Variants in RAB11FIP4 observed in about 807,000 individuals in gnomAD.
RAB11FIP4 encodes the protein RAB11 family interacting protein 4, also known as rab11 family-interacting protein 4.
RAB11FIP4 carries 23 observed loss-of-function variants against 74.3 expected under a neutral mutation model. The ratio of observed to expected loss-of-function variants is 0.31; its 90% CI spans 0.22 to 0.44. The LOEUF (loss-of-function observed/expected upper bound fraction) is 0.44. Among genes scored for constraint, RAB11FIP4 ranks in the 20% least tolerant of loss-of-function variants. The pLI, the probability that RAB11FIP4 is intolerant of heterozygous loss-of-function variation, is 1.00. For synonymous variants in RAB11FIP4, 360 were observed against 359.9 expected (o/e 1.00, Z 0.00); for missense variants, 630 against 863.9 (o/e 0.73, Z 3.39).
intron 3 of RAB11FIP4, among the ~76,000 whole-genome samples, chr17:31,450,565 G>C (rs558318228): frequency 6.6e-6 from 1 of 151,760 alleles, no homozygotes; most frequent in East Asian, 1.9e-4. Context: ...GGCTGGTCTC[G>C]ATCTCCTGGC....
intron 4 of RAB11FIP4, 124 bp from the exon 5 acceptor site, chr17:31,521,042 G>C: frequency 1.4e-6 from 1 of 725,888 alleles, no homozygotes; most frequent in Non-Finnish European, 2.3e-6. Flanking sequence ...TACTTACCAG[G>C]TCAAGAGCTA....
At chr17:31,402,683 G>A (rs1027546139) in intron 1 of RAB11FIP4, among the ~76,000 whole-genome samples, 7 of 150,888 alleles carry the variant, frequency 4.6e-5, no homozygotes, top group African/African-American at 7.4e-5. Flanking sequence ...GTGCAGTGGC[G>A]CAATCTTGAC....
intron 1 of RAB11FIP4, among the ~76,000 whole-genome samples, chr17:31,408,418 G>A (rs2071062183): frequency 6.6e-6 from 1 of 152,170 alleles, no homozygotes; most frequent in Non-Finnish European, 1.5e-5. Context: ...CTAAATAAAT[G>A]TTTAATATTT....
chr17:31,435,243 G>T (rs2071346936), intron 3 of RAB11FIP4, among the ~76,000 whole-genome samples: 1 of 152,176 alleles, frequency 6.6e-6, no homozygotes, highest in East Asian at 1.9e-4. Context: ...TCTGCCTGGA[G>T]GTTGGGGGTA....
At chr17:31,487,359 T>C (rs1597947268) in intron 3 of RAB11FIP4, among the ~76,000 whole-genome samples, 1 of 152,056 alleles carries the variant, frequency 6.6e-6, no homozygotes. Context: ...GCCTCAAAGA[T>C]CCTCCGCCTC....
intron 3 of RAB11FIP4, among the ~76,000 whole-genome samples, chr17:31,487,459 CCTT>C (rs1455957365): frequency 1.4e-5 from 2 of 144,890 alleles, no homozygotes; most frequent in Non-Finnish European, 3.1e-5. Flanking sequence ...AGGGTCCTCT[CCTT>C]TTTTTTTTTG....
intron 1 of RAB11FIP4, among the ~76,000 whole-genome samples, chr17:31,427,911 G>T (rs2071269104): frequency 6.6e-6 from 1 of 152,178 alleles, no homozygotes; most frequent in African/African-American, 2.4e-5. Context: ...GGCATGGCTG[G>T]GGGGAGGGGG....
At chr17:31,530,164 T>C (rs1004888251) in intron 13 of RAB11FIP4, among the ~76,000 whole-genome samples, 162 bp from the exon 14 acceptor site, 1 of 152,202 alleles carries the variant, frequency 6.6e-6, no homozygotes, top group African/African-American at 2.4e-5. Context: ...CCCCAGCGCT[T>C]GGCAAAGGCT....
chr17:31,514,985 C>T (rs1370654713), intron 3 of RAB11FIP4, among the ~76,000 whole-genome samples: 1 of 152,168 alleles, frequency 6.6e-6, no homozygotes, highest in Admixed American at 6.5e-5. Flanking sequence ...GATGCAAAGG[C>T]AGGCGGGGTG....
chr17:31,521,432 G>T (rs2301684), intron 5 of RAB11FIP4, 72 bp downstream of exon 5: 452,152 of 1,356,088 alleles, frequency 0.33, 77,180 homozygotes, highest in South Asian at 0.46. Context: ...CCTAGGGGGT[G>T]GGGGGGTGCG....
chr17:31,530,939 G>C (rs2072860499), intron 14 of RAB11FIP4: 1 of 160,768 alleles, frequency 6.2e-6, no homozygotes, highest in African/African-American at 2.4e-5. Context: ...CACCCAGCTA[G>C]GGAGGGAGAG....
chr17:31,393,016 G>A (rs2070890944), intron 1 of RAB11FIP4, among the ~76,000 whole-genome samples: 1 of 152,240 alleles, frequency 6.6e-6, no homozygotes, highest in African/African-American at 2.4e-5. Flanking sequence ...TCAGAACATG[G>A]GAGAAGCTGG....
intron 10 of RAB11FIP4, 73 bp from the exon 11 acceptor site, chr17:31,527,769 C>A: frequency 9.0e-7 from 1 of 1,113,690 alleles, no homozygotes; most frequent in Non-Finnish European, 1.3e-6. Context: ...CAGAGAATCA[C>A]TGCAGACTGG....
intron 3 of RAB11FIP4, among the ~76,000 whole-genome samples, chr17:31,497,236 C>T (rs748394122): frequency 1.3e-5 from 2 of 152,030 alleles, no homozygotes; most frequent in African/African-American, 2.4e-5. Flanking sequence ...TGGTGGCAGG[C>T]GCCTGTAATC....
At chr17:31,471,925 G>A (rs1277438538) in intron 3 of RAB11FIP4, among the ~76,000 whole-genome samples, 1 of 152,150 alleles carries the variant, frequency 6.6e-6, no homozygotes, top group Non-Finnish European at 1.5e-5. Flanking sequence ...CACTTTGGGA[G>A]GCAGAGGTGG....
intron 3 of RAB11FIP4, among the ~76,000 whole-genome samples, chr17:31,458,936 T>C (rs2142713806): frequency 6.6e-6 from 1 of 152,276 alleles, no homozygotes; most frequent in African/African-American, 2.4e-5. Flanking sequence ...GTCATGTGTG[T>C]GAATCTGGTC....
chr17:31,450,363 G>A (rs1243207970), intron 3 of RAB11FIP4, among the ~76,000 whole-genome samples: 1 of 113,990 alleles, frequency 8.8e-6, no homozygotes, highest in Non-Finnish European at 1.9e-5. Flanking sequence ...TATTATTATT[G>A]AGACAGAGTC....
At chr17:31,409,652 C>T (rs957745235) in intron 1 of RAB11FIP4, among the ~76,000 whole-genome samples, 5 of 152,198 alleles carry the variant, frequency 3.3e-5, no homozygotes, top group African/African-American at 1.2e-4. Flanking sequence ...CAGGGAGGAG[C>T]ATTTATTTCT....
At chr17:31,425,543 G>A (rs1049571290) in intron 1 of RAB11FIP4, among the ~76,000 whole-genome samples, 82 of 152,298 alleles carry the variant, frequency 5.4e-4, no homozygotes, top group African/African-American at 1.9e-3. Context: ...AACATCATCT[G>A]GTCTGAGCTA....
Sources: allele counts gnomAD v4.1 joint callset (sites outside exome capture counted in the v4.1 genomes callset), GRCh38; gene constraint gnomAD v4.1.1; transcripts MANE v1.5; gene names NCBI Gene and HGNC (gene_info 2026-07-23, HGNC 2026-07-21).